EEF1D: variants seen among roughly 807,000 people sequenced by gnomAD.
EEF1D encodes the protein eukaryotic translation elongation factor 1 delta, also known as elongation factor 1-delta.
In EEF1D, 47 loss-of-function variants were observed where a neutral mutation model predicts 63.9. The ratio of observed to expected loss-of-function variants is 0.74; its 90% CI spans 0.58 to 0.94. The LOEUF (loss-of-function observed/expected upper bound fraction) is 0.94, where lower values mean the gene tolerates loss of function less well. Ranked by LOEUF, EEF1D falls within the 40% of genes least tolerant of loss-of-function variation. The pLI, the probability that EEF1D is intolerant of heterozygous loss-of-function variation, is 0.00. For synonymous variants in EEF1D, 412 were observed against 386.1 expected, an observed-to-expected ratio of 1.07 and a Z score of -0.79; for missense variants, 907 against 899.0, an observed-to-expected ratio of 1.01 and a Z score of -0.11.
At chr8:143,595,932 C>T (rs1001505088) in intron 1 of EEF1D, among the ~76,000 whole-genome samples, 4 of 152,260 alleles carry the variant, frequency 2.6e-5, no homozygotes, top group Non-Finnish European at 5.9e-5. Flanking sequence ...CTGCCACCAG[C>T]TTCCAACACG....
chr8:143,590,304 C>T (rs917321792), intron 2 of EEF1D: 20 of 712,498 alleles, frequency 2.8e-5, no homozygotes, highest in East Asian at 2.4e-4. Flanking sequence ...ACAGGCCGGG[C>T]GCAGTGGCTC....
At position 143,579,773 on chromosome 8, in the gene EEF1D, A is replaced by T. The variant is rs764910718; in HGVS notation, c.*19T>A. ...GTGGCAGGGCCTCACGCACGCGCGCACGTACACACACTCAGGCTTCAGATC... is the reference window on the plus strand; with the variant it reads ...GTGGCAGGGCCTCACGCACGCGCGCTCGTACACACACTCAGGCTTCAGATC... On this transcript the variant is annotated 3_prime_UTR_variant, in exon 10 of 10. Coordinates refer to ENST00000618139, the MANE Select transcript of EEF1D (RefSeq NM_001130053.5). The T allele has an allele frequency of 1.9e-5, 30 of 1,545,252 alleles. No individual in the cohort carries two copies. The highest frequency in any genetic ancestry group is 2.6e-5 in the Non-Finnish European group (30 of 1,145,012).
intron 5 of EEF1D, among the ~76,000 whole-genome samples, chr8:143,585,712 G>C (rs960380632): frequency 6.6e-6 from 1 of 152,180 alleles, no homozygotes; most frequent in African/African-American, 2.4e-5. Flanking sequence ...TCTTGGCCCG[G>C]GGCCTGGAGG....
At chr8:143,588,782 T>G in intron 3 of EEF1D, 1 of 674,576 alleles carries the variant, frequency 1.5e-6, no homozygotes, top group Non-Finnish European at 2.4e-6. Flanking sequence ...GCCTGGAACT[T>G]TGTAACCTCA....
chr8:143,580,258 G>T (rs1459696064), intron 8 of EEF1D, 52 bp from the exon 9 acceptor site: 1 of 1,568,720 alleles, frequency 6.4e-7, no homozygotes, highest in Non-Finnish European at 8.7e-7. Flanking sequence ...AGAACACCCA[G>T]GAAGTACCTG....
At chr8:143,594,788 G>C (rs1214400003) in intron 1 of EEF1D, among the ~76,000 whole-genome samples, 1 of 152,230 alleles carries the variant, frequency 6.6e-6, no homozygotes, top group African/African-American at 2.4e-5. Flanking sequence ...AGTGCCCAAA[G>C]GGCGCGACGA....
chr8:143,583,945 A>G (rs1826038796), intron 5 of EEF1D: 1 of 152,270 alleles, frequency 6.6e-6, no homozygotes, highest in Non-Finnish European at 1.5e-5. Context: ...GCCTTGGGCC[A>G]AGGACCGTGA....
At position 143,588,997 on chromosome 8, in the gene EEF1D, C is replaced by G. The variant is rs780283454; in HGVS notation, c.1085G>C (p.Arg362Thr). Residue 362 changes from arginine to threonine, a missense_variant, in exon 3 of 10, where the codon AGA becomes ACA. Arg to Thr is a moderately conservative substitution (Grantham distance 71). Coordinates refer to ENST00000618139, the MANE Select transcript of EEF1D (RefSeq NM_001130053.5). Reference sequence around the variant, plus strand: ...CCCAGCACGTTTCTCCTACTTGGGTCTCAGGCTGGACACGGACAGGCCAGA... The same window carrying G: ...CCCAGCACGTTTCTCCTACTTGGGTGTCAGGCTGGACACGGACAGGCCAGA... ...PRSGLSVSSL[R>T]PNRKMATNFL... 2 of 1,595,936 alleles carry G rather than the reference C, an allele frequency of 1.3e-6. No individual in the cohort carries two copies. Among genetic ancestry groups the G allele is most frequent in the African/African-American group, 2.7e-5 (2 of 74,844 alleles).
intron 2 of EEF1D, chr8:143,590,665 G>GATT: frequency 1.2e-6 from 1 of 861,830 alleles, no homozygotes; most frequent in Non-Finnish European, 1.4e-6. Flanking sequence ...AACACTTTGG[G>GATT]AGGCCGAGGC....
At position 143,589,216 on chromosome 8, in the gene EEF1D, G is replaced by A. The variant is rs759773528; in HGVS notation, c.866C>T (p.Ala289Val). 6.3e-7 allele frequency: 1 copy of A among 1,582,098 alleles called. No homozygotes were observed. The highest frequency in any genetic ancestry group is 2.3e-5 in the East Asian group (1 of 43,864). ...RGRNILGNKRAGLRRADGEAP... is the reference protein window; with the variant it reads ...RGRNILGNKRVGLRRADGEAP... ...CTCCCCATCGGCCCGTCGCAGCCCG[G>A]CCCGCTTGTTCCCTAAGATGTTGCG... The change falls in exon 3 of 10, where the codon GCC (alanine) becomes GTC (valine). Residue 289 changes from alanine (A) to valine (V), a missense_variant. Coordinates refer to ENST00000618139, the MANE Select transcript of EEF1D (RefSeq NM_001130053.5).
chr8:143,596,296 G>C (rs1192440580), intron 1 of EEF1D: 1 of 152,312 alleles, frequency 6.6e-6, no homozygotes, highest in Non-Finnish European at 1.5e-5. Context: ...TACAGAGGCA[G>C]GTCTAGGAGC....
chr8:143,589,835 G>T lies in EEF1D; in HGVS notation c.247C>A (p.Pro83Thr). ...GAGCGCTTCCTCTTTTTCTGCAGGG[G>T]CTTCCTGCTGTCCTGGCTCTTCCTG... is the stretch of plus-strand genomic sequence containing the variant. ...DPRKSQDSRK[P>T]LQKKRKRSPK... The change falls in exon 3 of 10, where the codon CCC becomes ACC. Residue 83 changes from proline to threonine, a missense_variant. By Grantham distance (38) the Pro-to-Thr change is conservative. Coordinates refer to ENST00000618139, the MANE Select transcript of EEF1D (RefSeq NM_001130053.5). The T allele has an allele frequency of 6.2e-7, 1 of 1,604,040 alleles. No individual in the cohort carries two copies. Among genetic ancestry groups the T allele is most frequent in the Non-Finnish European group, 8.5e-7 (1 of 1,177,152 alleles).
intron 5 of EEF1D, chr8:143,584,043 G>A (rs1022647212): frequency 1.3e-5 from 2 of 152,286 alleles, no homozygotes; most frequent in Non-Finnish European, 2.9e-5. Context: ...TGCCCCATAA[G>A]ATGATCTCAG....
intron 1 of EEF1D, among the ~76,000 whole-genome samples, chr8:143,593,158 G>A (rs1393689721): frequency 6.6e-6 from 1 of 152,112 alleles, no homozygotes; most frequent in Admixed American, 6.5e-5. Context: ...TCAAGGGGGA[G>A]GCAGCCCAGG....
intron 7 of EEF1D, 57 bp downstream of exon 7, chr8:143,580,997 G>A: frequency 6.4e-7 from 1 of 1,572,556 alleles, no homozygotes; most frequent in Non-Finnish European, 8.7e-7. Context: ...AGGGCGACGT[G>A]GAAGCCAGCA....
chr8:143,589,333 A>G lies in EEF1D; in HGVS notation c.749T>C (p.Leu250Pro). 1.3e-6 allele frequency: 2 copies of G among 1,582,964 alleles called. No individual in the cohort carries two copies. Among genetic ancestry groups the G allele is most frequent in the Non-Finnish European group, 8.6e-7 (1 of 1,163,740 alleles). The part of the protein sequence containing the change: ...DAAERGFYEA[L>P]FDGHPPGKVR... ...CTTCCCTGGGGGATGGCCGTCAAACAGGGCCTCGTAGAAGCCCCTCTCGGC... is the reference window on the plus strand; with the variant it reads ...CTTCCCTGGGGGATGGCCGTCAAACGGGGCCTCGTAGAAGCCCCTCTCGGC... Residue 250 changes from leucine to proline, a missense_variant, in exon 3 of 10, where the codon CTG becomes CCG. Physicochemically the swap from Leu to Pro is moderately conservative, Grantham distance 98. Transcript: ENST00000618139.
rs1827660124 is a variant in EEF1D, at chr8:143,590,039, C to T, written c.43G>A (p.Glu15Lys). The T allele has an allele frequency of 1.3e-6, 2 of 1,599,044 alleles. No homozygotes were observed. The highest frequency in any genetic ancestry group is 1.7e-6 in the Non-Finnish European group (2 of 1,179,854). The change falls in exon 3 of 10, where the codon GAA becomes AAA. Residue 15 changes from glutamate (E) to lysine (K), a missense_variant. Transcript: ENST00000618139. Reference protein sequence around the residue: ...KASCTLETVWEDKHKYEEAER... With the variant: ...KASCTLETVWKDKHKYEEAER... Reference sequence around the variant, plus strand: ...GCCTCCTCATACTTGTGCTTGTCTTCCCACACGGTCTCCAGGGTGCAGGAG... The same window carrying T: ...GCCTCCTCATACTTGTGCTTGTCTTTCCACACGGTCTCCAGGGTGCAGGAG...
chr8:143,592,732 C>T, intron 1 of EEF1D, 72 bp from the exon 2 acceptor site: 7 of 985,228 alleles, frequency 7.1e-6, no homozygotes, highest in Non-Finnish European at 8.4e-6. Context: ...GACACAGCAG[C>T]AGGTCAGCCC....
At chr8:143,581,010 G>A in intron 7 of EEF1D, 44 bp downstream of exon 7, 3 of 1,589,136 alleles carry the variant, frequency 1.9e-6, no homozygotes, top group South Asian at 2.2e-5. Flanking sequence ...AGCCAGCAGG[G>A]CCACGTGGTC....
Sources: allele counts gnomAD v4.1 joint callset (sites outside exome capture counted in the v4.1 genomes callset), GRCh38; gene constraint gnomAD v4.1.1; transcripts MANE v1.5; gene names NCBI Gene and HGNC (gene_info 2026-07-23, HGNC 2026-07-21).